Variants in SUGCT observed in about 807,000 individuals in gnomAD.
SUGCT encodes the protein succinyl-CoA:glutarate CoA-transferase.
A neutral mutation model predicts 55.0 loss-of-function variants in SUGCT; 41 were observed. That is an observed-to-expected ratio of 0.74 (90% confidence interval 0.58 to 0.97). SUGCT has a LOEUF of 0.97. Ranked by LOEUF, SUGCT falls within the 50% of genes least tolerant of loss-of-function variation. The probability of loss-of-function intolerance (pLI) is 0.00; values close to 1 mark genes in which losing one functional copy is unlikely to be tolerated. For synonymous variants in SUGCT, 187 were observed against 200.4 expected (o/e 0.93, Z 0.56); for missense variants, 568 against 547.8 (o/e 1.04, Z -0.37).
chr7:40,719,639 T>G (rs75532499), intron 12 of SUGCT, among the ~76,000 whole-genome samples: 18 of 152,208 alleles, frequency 1.2e-4, no homozygotes, highest in African/African-American at 4.1e-4. Flanking sequence ...GGTTGAGAAG[T>G]GGTTCCACAC....
chr7:40,199,129 A>G (rs975458311), intron 6 of SUGCT, among the ~76,000 whole-genome samples: 17 of 152,072 alleles, frequency 1.1e-4, no homozygotes, highest in African/African-American at 3.9e-4. Flanking sequence ...ATATTTCCCA[A>G]TGGTATTGCT....
At chr7:40,276,856 G>A (rs575986674) in intron 8 of SUGCT, among the ~76,000 whole-genome samples, 8 of 151,732 alleles carry the variant, frequency 5.3e-5, no homozygotes, top group African/African-American at 1.9e-4. Flanking sequence ...TATTTTTATT[G>A]TCTCTGTTTC....
At chr7:40,939,818 C>T in the SUGCT span, among the ~76,000 whole-genome samples, 1 of 152,062 alleles carries the variant, frequency 6.6e-6, no homozygotes, top group Non-Finnish European at 1.5e-5. Flanking sequence ...TATTTTCTCC[C>T]ATTCTGTTAG....
the SUGCT span, among the ~76,000 whole-genome samples, chr7:41,007,823 C>A: frequency 4.5e-3 from 470 of 104,070 alleles, no homozygotes; most frequent in South Asian, 6.8e-3. Flanking sequence ...AACTGAAATC[C>A]AAAAAAAAAA....
intron 7 of SUGCT, among the ~76,000 whole-genome samples, chr7:40,269,208 A>G (rs141678057): frequency 1.3e-5 from 2 of 152,226 alleles, no homozygotes. Flanking sequence ...ATGATGTTGA[A>G]TATCTTTTCA....
Position 40,274,344 on chromosome 7 carries a change from C to T in SUGCT, c.577-169C>T, listed in dbSNP as rs61114913. 6.2e-3 allele frequency among the ~76,000 whole-genome samples: 944 copies of T among 152,154 alleles called. 6 individuals carry two copies. Among genetic ancestry groups the T allele is most frequent in the African/African-American group, 0.021 (891 of 41,508 alleles). ...AGTAAATATAAATATTTTCCTATTA[C>T]CAACAGATATTCACAATAGCAATTT... is the stretch of plus-strand genomic sequence containing the variant. On this transcript the variant is annotated intron_variant, in intron 7 of 13. Coordinates refer to ENST00000335693, the MANE Select transcript of SUGCT (RefSeq NM_001193313.2).
At chr7:40,720,030 C>A (rs993820683) in intron 12 of SUGCT, among the ~76,000 whole-genome samples, 1 of 152,166 alleles carries the variant, frequency 6.6e-6, no homozygotes, top group African/African-American at 2.4e-5. Flanking sequence ...AAGTGATCCA[C>A]CTGCCTCGGC....
At chr7:40,549,990 A>G (rs573907878) in intron 12 of SUGCT, among the ~76,000 whole-genome samples, 2 of 152,318 alleles carry the variant, frequency 1.3e-5, no homozygotes, top group African/African-American at 4.8e-5. Flanking sequence ...CAGGATGATT[A>G]CTTTGATCTT....
At chr7:40,846,921 C>T (rs1793584604) in intron 13 of SUGCT, among the ~76,000 whole-genome samples, 1 of 152,144 alleles carries the variant, frequency 6.6e-6, no homozygotes, top group African/African-American at 2.4e-5. Context: ...CTTTTAAATT[C>T]ATTTAGTGCA....
chr7:40,438,233 C>A (rs1374156733), intron 9 of SUGCT, among the ~76,000 whole-genome samples: 3 of 152,124 alleles, frequency 2.0e-5, no homozygotes, highest in African/African-American at 7.2e-5. Context: ...CCACAGTCTG[C>A]ACTTCTGTAT....
chr7:40,334,604 T>A (rs1381225791), intron 9 of SUGCT, among the ~76,000 whole-genome samples: 1 of 152,176 alleles, frequency 6.6e-6, no homozygotes, highest in East Asian at 1.9e-4. Flanking sequence ...GGGTTGTTTG[T>A]TTTTTTCTTG....
intron 12 of SUGCT, among the ~76,000 whole-genome samples, chr7:40,535,337 T>C (rs192882981): frequency 6.6e-6 from 1 of 152,272 alleles, no homozygotes; most frequent in Admixed American, 6.5e-5. Context: ...TAGTCCCCAG[T>C]TTCTATTGCT....
intron 9 of SUGCT, among the ~76,000 whole-genome samples, chr7:40,359,146 CATGTATGTATGTATGTACATGTATGT>C (rs1452394355): frequency 6.6e-6 from 1 of 152,018 alleles, no homozygotes; most frequent in Non-Finnish European, 1.5e-5. Flanking sequence ...TATGTTCTGT[CATGTATGTATGTATGTACATGTATGT>C]ATGTATGTAT....
intron 13 of SUGCT, among the ~76,000 whole-genome samples, chr7:40,836,458 A>G (rs1792980386): frequency 6.6e-6 from 1 of 152,332 alleles, no homozygotes; most frequent in African/African-American, 2.4e-5. Flanking sequence ...TACCAGTTTT[A>G]TGCGACTCAT....
intron 12 of SUGCT, among the ~76,000 whole-genome samples, chr7:40,612,227 G>A (rs1425513329): frequency 1.3e-5 from 2 of 152,040 alleles, no homozygotes; most frequent in African/African-American, 2.4e-5. Context: ...TTCTTCATAC[G>A]TTGTTGTGAG....
At chr7:40,883,001 C>G in the SUGCT span, among the ~76,000 whole-genome samples, 5 of 152,160 alleles carry the variant, frequency 3.3e-5, no homozygotes, top group African/African-American at 1.2e-4. Flanking sequence ...CTCCTTCTTC[C>G]TAGGACTCTT....
rs145336462 is a variant in SUGCT, at chr7:40,146,693, C to A, written c.100+11573C>A. 4.9e-4 allele frequency among the ~76,000 whole-genome samples: 74 copies of A among 152,326 alleles called. 4 individuals carry two copies. In the East Asian group the frequency reaches 8.9e-3, roughly 18 times the overall value. On this transcript the variant is annotated intron_variant, in intron 1 of 13. Transcript: ENST00000335693. ...CCCTGGGTGGGCCAGGTGTTCCTTG[C>A]CCTCATTCCGGTAAACCTTCCAGTG...
chr7:40,315,454 A>C lies in SUGCT; in HGVS notation c.721-1306A>C, dbSNP rs182750385. On this transcript the variant is annotated intron_variant, in intron 8 of 13. Coordinates refer to ENST00000335693, the MANE Select transcript of SUGCT (RefSeq NM_001193313.2). The stretch of plus-strand genomic sequence containing the variant: ...AGAACTGGATGACTCAAAGTTTATT[A>C]GTTTTGCCACCTGGGCTGTACAGCC... Among the ~76,000 whole-genome samples the C allele has an allele frequency of 2.7e-3, 418 of 152,350 alleles. 1 individual carries two copies. Among genetic ancestry groups the C allele is most frequent in the Middle Eastern group, 0.01 (3 of 294 alleles).
At chr7:40,531,742 C>T (rs1384185354) in intron 12 of SUGCT, among the ~76,000 whole-genome samples, 2 of 152,084 alleles carry the variant, frequency 1.3e-5, no homozygotes, top group East Asian at 1.9e-4. Flanking sequence ...GGCACGATCT[C>T]GGCTCACTGT....
Sources: gnomAD v4.1 joint callset for allele counts (sites outside exome capture counted in the v4.1 genomes callset) on GRCh38, gnomAD v4.1.1 for gene constraint, MANE v1.5 for transcripts, NCBI Gene and HGNC (gene_info 2026-07-23, HGNC 2026-07-21) for gene names.